Variants in IGDCC4 observed in about 807,000 individuals in gnomAD.
The protein encoded by IGDCC4 is immunoglobulin superfamily DCC subclass member 4.
In IGDCC4, 72 loss-of-function variants were observed where a neutral mutation model predicts 116.6. The observed-to-expected ratio is 0.62, with a 90% confidence interval of 0.51 to 0.75. IGDCC4 has a LOEUF of 0.75. Among genes scored for constraint, IGDCC4 ranks in the 30% least tolerant of loss-of-function variants. The pLI is 0.00. For missense variants in IGDCC4, 1,501 were observed against 1,662.4 expected (o/e 0.90, Z 1.69); for synonymous variants, 709 against 719.9 (o/e 0.98, Z 0.24).
chr15:65,399,447 CA>C (rs112040935), intron 5 of IGDCC4, among the ~76,000 whole-genome samples: 13,468 of 69,928 alleles, frequency 0.19, 223 homozygotes, highest in Non-Finnish European at 0.25. Flanking sequence ...GGGTGACAGG[CA>C]AAAAAAAAAA....
rs1006851094 is a variant in IGDCC4 at position 65,410,146 on chromosome 15, T to A, written c.563+32A>T. 3 of 1,610,112 alleles carry A rather than the reference T, an allele frequency of 1.9e-6. No homozygotes were observed. In the African/African-American group the frequency reaches 4.0e-5, roughly 22 times the overall value. On this transcript the variant is annotated intron_variant, in intron 3 of 19. Coordinates refer to ENST00000352385, the MANE Select transcript of IGDCC4 (RefSeq NM_020962.3). ...ACCCCAGAGCCCTCTCTGCCCTGCC[T>A]ACCAGGACCCGCTCCCCTACAGGGC...
chr15:65,418,640 G>A (rs1354309748), intron 1 of IGDCC4, among the ~76,000 whole-genome samples: 1 of 151,922 alleles, frequency 6.6e-6, no homozygotes, highest in African/African-American at 2.4e-5. Context: ...CATACTCTCT[G>A]GTTTTCCTTC....
Position 65,393,540 on chromosome 15 carries a change from A to T in IGDCC4, c.1715-9T>A, listed in dbSNP as rs767738517. ...AGTAGAGAAAATCTGATCTGCAGGG[A>T]CAGAAAAGGTGGGCTGCTGGGTAGC... is the stretch of plus-strand genomic sequence containing the variant. On this transcript the variant is annotated splice_polypyrimidine_tract_variant and intron_variant, in intron 9 of 19. Coordinates refer to ENST00000352385, the MANE Select transcript of IGDCC4 (RefSeq NM_020962.3). The surrounding 1 kb of genome is among the most constrained non-coding windows in gnomAD (Gnocchi z 4.6). 2.5e-6 allele frequency: 4 copies of T among 1,583,782 alleles called. No individual in the cohort carries two copies. Among genetic ancestry groups the T allele is most frequent in the Non-Finnish European group, 3.4e-6 (4 of 1,160,516 alleles).
At chr15:65,407,477 G>C (rs1319553003) in intron 3 of IGDCC4, among the ~76,000 whole-genome samples, 1 of 151,934 alleles carries the variant, frequency 6.6e-6, no homozygotes, top group African/African-American at 2.4e-5. Context: ...TGAGTAGCTG[G>C]GTTTATAGGC....
chr15:65,408,646 C>T (rs2063061599), intron 3 of IGDCC4, among the ~76,000 whole-genome samples: 1 of 152,186 alleles, frequency 6.6e-6, no homozygotes, highest in Admixed American at 6.5e-5. Flanking sequence ...TCATAGAATA[C>T]TTCATTCAAG....
intron 3 of IGDCC4, among the ~76,000 whole-genome samples, chr15:65,403,115 A>G (rs931831612): frequency 6.6e-6 from 1 of 152,238 alleles, no homozygotes; most frequent in Non-Finnish European, 1.5e-5. Flanking sequence ...TATTCACTCC[A>G]GCACTGTCTG....
chr15:65,421,258 C>G (rs988173486), intron 1 of IGDCC4, among the ~76,000 whole-genome samples: 1 of 152,220 alleles, frequency 6.6e-6, no homozygotes, highest in African/African-American at 2.4e-5. Flanking sequence ...GTTCCCAGCC[C>G]TGATGCCGTT....
intron 16 of IGDCC4, 147 bp downstream of exon 16, chr15:65,388,302 C>A: frequency 9.4e-7 from 1 of 1,060,554 alleles, no homozygotes; most frequent in Non-Finnish European, 1.4e-6. Flanking sequence ...CAAGTTATCA[C>A]TGAACCACAC....
chr15:65,415,365 A>G (rs2063133232), intron 1 of IGDCC4, among the ~76,000 whole-genome samples: 1 of 152,198 alleles, frequency 6.6e-6, no homozygotes, highest in Non-Finnish European at 1.5e-5. Context: ...GGCAGGCAGG[A>G]CGGCCGCCAG....
chr15:65,399,447 C>CAGA (rs2062963279), intron 5 of IGDCC4, among the ~76,000 whole-genome samples: 1 of 71,182 alleles, frequency 1.4e-5, no homozygotes, highest in Non-Finnish European at 3.3e-5. Context: ...GGGTGACAGG[C>CAGA]AAAAAAAAAA....
chr15:65,383,841 G>T lies in IGDCC4; in HGVS notation c.*168C>A, dbSNP rs1595772595. The T allele has an allele frequency of 5.3e-6, 3 of 563,426 alleles. No homozygotes were observed. 34.9% of individuals were successfully genotyped at this position (563,426 alleles called of 1,614,324 possible). On this transcript the variant is annotated 3_prime_UTR_variant, in exon 20 of 20. Coordinates refer to ENST00000352385, the MANE Select transcript of IGDCC4 (RefSeq NM_020962.3). ...ACATGTGTATCACAAAGAGTATGGG[G>T]GGAGTGAATAATCCATGTTTTCCTC...
chr15:65,395,050 TTC>T, intron 8 of IGDCC4, 42 bp downstream of exon 8: 1 of 1,562,926 alleles, frequency 6.4e-7, no homozygotes, highest in East Asian at 2.3e-5. Flanking sequence ...CCCCAGGGAA[TTC>T]TCTTTACCCC....
rs1205283211 is a variant in IGDCC4, at chr15:65,400,894, C to T, written c.753G>A (p.Glu251=). The T allele has an allele frequency of 1.2e-6, 2 of 1,614,026 alleles. No individual in the cohort carries two copies. The highest frequency in any genetic ancestry group is 1.3e-5 in the African/African-American group (1 of 74,924). Reference sequence around the variant, plus strand: ...TCTGGCCAGACACCACTGTGGTGTTCTCTGGGGCTGCCACAATGACCACGT... The same window carrying T: ...TCTGGCCAGACACCACTGTGGTGTTTTCTGGGGCTGCCACAATGACCACGT... ...GQDVVIVAAP[E]NTTVVSGQSV... is the part of the protein sequence containing the mutation. The change falls in exon 5 of 20, where the codon GAG becomes GAA. Residue 251 remains glutamate (E), a synonymous_variant. Transcript: ENST00000352385.
intron 6 of IGDCC4, 80 bp downstream of exon 6, chr15:65,396,754 C>T: frequency 6.6e-7 from 1 of 1,504,294 alleles, no homozygotes; most frequent in African/African-American, 1.4e-5. Flanking sequence ...GCCCCCAGCA[C>T]ACCCACCCGT....
At chr15:65,404,967 G>A (rs2063026047) in intron 3 of IGDCC4, among the ~76,000 whole-genome samples, 1 of 152,172 alleles carries the variant, frequency 6.6e-6, no homozygotes, top group Non-Finnish European at 1.5e-5. Context: ...TGGGGAGATT[G>A]CTTGAGACCG....
At chr15:65,412,778 A>T (rs1550026) in intron 1 of IGDCC4, among the ~76,000 whole-genome samples, 74,477 of 151,606 alleles carry the variant, frequency 0.49, 19,225 homozygotes, top group East Asian at 0.79. Flanking sequence ...ATAAAAAAAA[A>T]TTTTTTTAAT....
intron 1 of IGDCC4, among the ~76,000 whole-genome samples, chr15:65,421,826 C>A (rs544195331): frequency 6.6e-6 from 1 of 152,184 alleles, no homozygotes; most frequent in African/African-American, 2.4e-5. Context: ...CGCCCCCAAA[C>A]GCACACCGGA....
At chr15:65,390,040 G>T in intron 13 of IGDCC4, 115 bp downstream of exon 13, 1 of 922,790 alleles carries the variant, frequency 1.1e-6, no homozygotes, top group Non-Finnish European at 1.6e-6. Flanking sequence ...GGTGAGCCAT[G>T]ACATGTTCCT....
chr15:65,416,160 T>C (rs976605680), intron 1 of IGDCC4, among the ~76,000 whole-genome samples: 1 of 147,030 alleles, frequency 6.8e-6, no homozygotes, highest in East Asian at 2.0e-4. Context: ...TTTTTTTTTT[T>C]TGAGACTCGC....
Sources: allele counts gnomAD v4.1 joint callset (sites outside exome capture counted in the v4.1 genomes callset), GRCh38; gene constraint gnomAD v4.1.1; non-coding constraint Gnocchi (gnomAD v3.1); transcripts MANE v1.5; gene names NCBI Gene and HGNC (gene_info 2026-07-23, HGNC 2026-07-21).